Variants in FRMPD4 observed in about 807,000 individuals in gnomAD.
FRMPD4 encodes FERM and PDZ domain containing 4, also known as FERM and PDZ domain-containing protein 4.
In FRMPD4, 22 loss-of-function variants were observed where a neutral mutation model predicts 94.1. The observed-to-expected ratio is 0.23, with a 90% confidence interval of 0.17 to 0.33. FRMPD4 has a LOEUF of 0.33. Among genes scored for constraint, FRMPD4 ranks in the 10% least tolerant of loss-of-function variants. The probability of loss-of-function intolerance (pLI) is 1.00; values close to 1 mark genes in which losing one functional copy is unlikely to be tolerated. For missense variants in FRMPD4, 1,111 were observed against 1,339.9 expected (o/e 0.83, Z 2.67); for synonymous variants, 631 against 548.6 (o/e 1.15, Z -2.10).
intron 3 of FRMPD4, among the ~76,000 whole-genome samples, chrX:11,967,479 A>G (rs1022394421): frequency 1.8e-5 from 2 of 112,362 alleles, no homozygotes; most frequent in Admixed American, 1.9e-4. Flanking sequence ...TTTTCATGTC[A>G]TTGAGTAACT....
At position 12,721,477 on chromosome X, in the gene FRMPD4, C is replaced by T; in HGVS notation, c.4908C>T (p.Asp1636=). Residue 1636 remains aspartate, a synonymous_variant, in exon 17 of 17, where the codon GAC becomes GAT. Transcript: ENST00000675598. ...KREESRPEAY[D]LTLSQYKQLL... Reference sequence around the variant, plus strand: ...AGGAGTCACGCCCTGAAGCGTACGACCTTACACTTTCTCAGTACAAGCAAC... The same window carrying T: ...AGGAGTCACGCCCTGAAGCGTACGATCTTACACTTTCTCAGTACAAGCAAC... The T allele has an allele frequency of 1.3e-6, 1 of 755,362 alleles. No individual in the cohort carries two copies. Among genetic ancestry groups the T allele is most frequent in the Non-Finnish European group, 1.6e-6 (1 of 638,789 alleles). The allele number at this position is 755,362 out of a possible 1,213,427, so 62.3% of individuals were successfully genotyped here. A position where few individuals can be genotyped will look rare whatever the true frequency, so the allele number is the denominator to read the frequency against.
chrX:11,872,487 G>A (rs1601815676), intron 2 of FRMPD4, among the ~76,000 whole-genome samples: 1 of 112,196 alleles, frequency 8.9e-6, no homozygotes, highest in East Asian at 2.8e-4. Context: ...TAAGTTCAAA[G>A]TTGAGAAAGA....
intron 1 of FRMPD4, among the ~76,000 whole-genome samples, chrX:12,259,784 G>A (rs1459197477): frequency 9.0e-6 from 1 of 111,179 alleles, no homozygotes; most frequent in Non-Finnish European, 1.9e-5. Flanking sequence ...AGATCATCCA[G>A]CATTTTCTTC....
chrX:11,987,719 G>A (rs181049696), intron 3 of FRMPD4, among the ~76,000 whole-genome samples: 29 of 111,849 alleles, frequency 2.6e-4, no homozygotes, highest in Middle Eastern at 4.7e-3. Context: ...AACCAATTCA[G>A]TAAAGTTAAA....
intron 2 of FRMPD4, among the ~76,000 whole-genome samples, chrX:12,549,190 G>T (rs2058508851): frequency 8.9e-6 from 1 of 112,042 alleles, no homozygotes; most frequent in Non-Finnish European, 1.9e-5. Context: ...ACCGCTTCTA[G>T]CCAGAAGTGT....
At chrX:11,830,767 TCTAGCTTTGATTGAGG>T (rs1488112493) in intron 1 of FRMPD4, among the ~76,000 whole-genome samples, 1 of 111,628 alleles carries the variant, frequency 9.0e-6, no homozygotes, top group Non-Finnish European at 1.9e-5. Context: ...AACATCCAAA[TCTAGCTTTGATTGAGG>T]TCATTTCAGG....
intron 2 of FRMPD4, among the ~76,000 whole-genome samples, chrX:12,516,050 G>C (rs1206822176): frequency 9.0e-6 from 1 of 111,511 alleles, no homozygotes; most frequent in Non-Finnish European, 1.9e-5. Flanking sequence ...CTATTTGCTT[G>C]ATAAATTTTT....
intron 1 of FRMPD4, among the ~76,000 whole-genome samples, chrX:12,246,797 G>A (rs1478053565): frequency 9.0e-6 from 1 of 110,558 alleles, no homozygotes; most frequent in Non-Finnish European, 1.9e-5. Flanking sequence ...TAAAATTAAG[G>A]ACTCACTTTC....
chrX:12,588,850 A>G (rs969812347), intron 2 of FRMPD4, among the ~76,000 whole-genome samples: 2 of 112,616 alleles, frequency 1.8e-5, no homozygotes, highest in African/African-American at 6.5e-5. Flanking sequence ...ACACATGCAC[A>G]CACATACATT....
intron 3 of FRMPD4, among the ~76,000 whole-genome samples, chrX:12,044,047 C>T (rs1010850583): frequency 1.8e-5 from 2 of 111,179 alleles, no homozygotes; most frequent in African/African-American, 6.5e-5. Flanking sequence ...AATTTTTTAC[C>T]AGTTTTCTGA....
At chrX:11,835,039 T>C (rs1287881319) in intron 1 of FRMPD4, among the ~76,000 whole-genome samples, 1 of 111,907 alleles carries the variant, frequency 8.9e-6, no homozygotes, top group African/African-American at 3.2e-5. Flanking sequence ...TTTTCCCTTT[T>C]ATGAATTTGG....
At chrX:11,982,621 T>C (rs749099371) in intron 3 of FRMPD4, among the ~76,000 whole-genome samples, 28 of 111,960 alleles carry the variant, frequency 2.5e-4, no homozygotes, top group Non-Finnish European at 4.5e-4. Context: ...CCGTGGACTG[T>C]ATCTGGAAGA....
chrX:12,062,405 A>G (rs2054892171), intron 3 of FRMPD4, among the ~76,000 whole-genome samples: 3 of 111,718 alleles, frequency 2.7e-5, no homozygotes, highest in East Asian at 2.8e-4. Flanking sequence ...TTTTAATTCA[A>G]TCTTTTAAAA....
chrX:12,450,243 G>C (rs909120499), intron 1 of FRMPD4, among the ~76,000 whole-genome samples: 1 of 111,034 alleles, frequency 9.0e-6, no homozygotes, highest in Non-Finnish European at 1.9e-5. Flanking sequence ...AAAATTAATA[G>C]TAACAGTTAT....
At chrX:12,197,829 A>G (rs911385229) in intron 1 of FRMPD4, among the ~76,000 whole-genome samples, 6 of 112,168 alleles carry the variant, frequency 5.3e-5, no homozygotes, top group African/African-American at 1.9e-4. Context: ...TTTAAATGGT[A>G]TTTCTGTATT....
chrX:11,827,087 A>ATAT (rs58743575), intron 1 of FRMPD4, among the ~76,000 whole-genome samples: 29,883 of 82,663 alleles, frequency 0.36, 4,955 homozygotes, highest in South Asian at 0.5. Flanking sequence ...TATATATATA[A>ATAT]AATATATATG....
intron 8 of FRMPD4, 72 bp downstream of exon 8, chrX:12,690,398 C>T: frequency 2.2e-6 from 2 of 928,735 alleles, no homozygotes. Context: ...AAGATTTCTC[C>T]CCCACTCTAA....
intron 3 of FRMPD4, among the ~76,000 whole-genome samples, chrX:11,911,361 A>G (rs2053996145): frequency 8.9e-6 from 1 of 112,322 alleles, no homozygotes; most frequent in Admixed American, 9.4e-5. Context: ...GGAAGGTGAC[A>G]GTGGAAAGAA....
chrX:12,334,626 C>T (rs769018715), intron 1 of FRMPD4, among the ~76,000 whole-genome samples: 1 of 106,887 alleles, frequency 9.4e-6, no homozygotes, highest in East Asian at 2.8e-4. Context: ...AAAAAAAAGC[C>T]AACTTATGTA....
Sources: allele counts gnomAD v4.1 joint callset (sites outside exome capture counted in the v4.1 genomes callset), GRCh38; gene constraint gnomAD v4.1.1; transcripts MANE v1.5; gene names NCBI Gene and HGNC (gene_info 2026-07-23, HGNC 2026-07-21).